PCDHGB3: variants seen among roughly 807,000 people sequenced by gnomAD.
PCDHGB3 encodes protocadherin gamma-B3.
Under a neutral mutation model 59.2 loss-of-function variants are expected in PCDHGB3, and 40 were observed. The ratio of observed to expected loss-of-function variants is 0.68; its 90% CI spans 0.52 to 0.88. The LOEUF is 0.88. PCDHGB3 is among the 40% of genes least tolerant of loss of function. PCDHGB3 has a pLI of 0.00. For synonymous variants in PCDHGB3, 581 were observed against 503.6 expected, an observed-to-expected ratio of 1.15 and a Z score of -2.06; for missense variants, 1,309 against 1,187.9, an observed-to-expected ratio of 1.10 and a Z score of -1.50.
chr5:141,430,754 A>G (rs778266116), intron 1 of PCDHGB3: 26 of 1,503,884 alleles, frequency 1.7e-5, no homozygotes, highest in East Asian at 4.6e-5. Flanking sequence ...CTGGAGGAAG[A>G]TAAGAATGAT....
At chr5:141,398,014 C>G in intron 1 of PCDHGB3, 1 of 1,420,276 alleles carries the variant, frequency 7.0e-7, no homozygotes, top group Non-Finnish European at 9.4e-7. Flanking sequence ...AGAATCGTTT[C>G]CTAAACTGGA....
chr5:141,460,346 ATTTTC>A (rs1049715417), intron 1 of PCDHGB3, among the ~76,000 whole-genome samples: 6 of 151,964 alleles, frequency 3.9e-5, no homozygotes, highest in Non-Finnish European at 8.8e-5. Flanking sequence ...TTTCTCCTAT[ATTTTC>A]TTTTAGAAGT....
At chr5:141,466,143 C>T (rs2099117622) in intron 1 of PCDHGB3, among the ~76,000 whole-genome samples, 1 of 151,816 alleles carries the variant, frequency 6.6e-6, no homozygotes, top group Admixed American at 6.6e-5. Flanking sequence ...CAAGTGAAAA[C>T]TCTGGTCTTA....
chr5:141,426,488 T>G, intron 1 of PCDHGB3: 1 of 328,024 alleles, frequency 3.0e-6, no homozygotes, highest in Non-Finnish European at 6.1e-6. Context: ...AACCTTAGAG[T>G]TAGTGCAGAG....
In PCDHGB3 at chr5:141,476,978, C is replaced by G; in HGVS notation, c.2416-17829C>G. 1.2e-6 allele frequency: 2 copies of G among 1,614,256 alleles called. No individual in the cohort carries two copies. Among genetic ancestry groups the G allele is most frequent in the Non-Finnish European group, 1.7e-6 (2 of 1,180,058 alleles). Reference sequence around the variant, plus strand: ...TATTTACTCCTTCGGCAGCCACAACCGCGCCGGCGTGCGGCAACTATTCGC... The same window carrying G: ...TATTTACTCCTTCGGCAGCCACAACGGCGCCGGCGTGCGGCAACTATTCGC... On this transcript the variant is annotated intron_variant, in intron 1 of 3. Transcript: ENST00000576222. This position sits in a 1 kb window ranked among gnomAD's most constrained non-coding sequence, Gnocchi z 7.6.
chr5:141,419,647 G>C (rs370948584), intron 1 of PCDHGB3: 6 of 1,612,592 alleles, frequency 3.7e-6, no homozygotes, highest in Non-Finnish European at 5.1e-6. Context: ...CCGTGGACGC[G>C]GACTCGGGGC....
intron 1 of PCDHGB3, chr5:141,385,154 C>A (rs761681846): frequency 6.2e-7 from 1 of 1,614,208 alleles, no homozygotes; most frequent in Admixed American, 1.7e-5. Context: ...TTCCTGCAGA[C>A]CTATTCCCAT....
chr5:141,404,656 C>A, intron 1 of PCDHGB3: 1 of 1,614,176 alleles, frequency 6.2e-7, no homozygotes, highest in Non-Finnish European at 8.5e-7. Context: ...CTGCCCTCCC[C>A]ACTGATGGTT....
chr5:141,375,962 C>T (rs763635174), intron 1 of PCDHGB3: 3 of 1,613,226 alleles, frequency 1.9e-6, no homozygotes, highest in African/African-American at 2.7e-5. Flanking sequence ...GGGCGAGGTG[C>T]GCACGGCGCG....
intron 1 of PCDHGB3, chr5:141,373,873 G>C: frequency 2.1e-6 from 1 of 480,742 alleles, no homozygotes; most frequent in Admixed American, 3.9e-5. Context: ...ACCTGGGCAA[G>C]AAAATCAACG....
chr5:141,390,366 A>G, intron 1 of PCDHGB3: 1 of 1,524,656 alleles, frequency 6.6e-7, no homozygotes, highest in Non-Finnish European at 8.9e-7. Flanking sequence ...TTGCAGGAAA[A>G]TATATAATTT....
At chr5:141,479,798 G>A (rs892288776) in intron 1 of PCDHGB3, among the ~76,000 whole-genome samples, 3 of 152,116 alleles carry the variant, frequency 2.0e-5, no homozygotes, top group African/African-American at 7.2e-5. Flanking sequence ...ATTAATTCAG[G>A]GTGGTATGCA....
In PCDHGB3 at chr5:141,431,321, G is replaced by A. The variant is rs112186927; in HGVS notation, c.2415+58512G>A. The A allele has an allele frequency of 1.2e-6, 2 of 1,613,938 alleles. No individual in the cohort carries two copies. The highest frequency in any genetic ancestry group is 1.3e-5 in the African/African-American group (1 of 74,910). ...CCTCATCGTGCAAAATGGAGCCGAC[G>A]GTAGTAAGTACCCCGAATTGGTGCT... is the stretch of plus-strand genomic sequence containing the variant. On this transcript the variant is annotated intron_variant, in intron 1 of 3. Transcript: ENST00000576222. The surrounding 1 kb of genome is among the most constrained non-coding windows in gnomAD (Gnocchi z 4.8).
intron 1 of PCDHGB3, among the ~76,000 whole-genome samples, chr5:141,373,744 G>A (rs10061034): frequency 6.6e-6 from 1 of 152,096 alleles, no homozygotes; most frequent in Admixed American, 6.5e-5. Context: ...TCATTATCTT[G>A]GGGAGGGAAA....
At chr5:141,418,987 A>T (rs1244429131) in intron 1 of PCDHGB3, 2 of 1,613,856 alleles carry the variant, frequency 1.2e-6, no homozygotes, top group Non-Finnish European at 1.7e-6. Flanking sequence ...ACCAAGACTC[A>T]GGGGAAAATG....
chr5:141,419,699 C>A (rs1488905080), intron 1 of PCDHGB3: 1 of 1,612,924 alleles, frequency 6.2e-7, no homozygotes. Context: ...GGCCAGTGAG[C>A]CCGGGCTCTT....
chr5:141,485,033 T>C lies in PCDHGB3; in HGVS notation c.2416-9774T>C. 1 of 689,352 alleles carries C rather than the reference T, an allele frequency of 1.5e-6. No homozygotes were observed. The highest frequency in any genetic ancestry group is 2.5e-6 in the Non-Finnish European group (1 of 392,590). The allele number at this position is 689,352 out of a possible 1,614,324, so 42.7% of individuals were successfully genotyped here. On this transcript the variant is annotated intron_variant, in intron 1 of 3. Coordinates refer to ENST00000576222, the MANE Select transcript of PCDHGB3 (RefSeq NM_018924.5). This position sits in a 1 kb window ranked among gnomAD's most constrained non-coding sequence, Gnocchi z 5.7. ...CCCCGCCACCAGCAAAAACGGCGCG[T>C]AACCCTTGCGGCGCCGGCCGAACCG...
chr5:141,376,168 G>A (rs757765992), intron 1 of PCDHGB3: 64 of 1,613,990 alleles, frequency 4.0e-5, no homozygotes, highest in East Asian at 2.2e-4. Flanking sequence ...ACCTGGTGGT[G>A]GCGGTGGCCG....
chr5:141,422,390 C>T, intron 1 of PCDHGB3: 1 of 1,591,016 alleles, frequency 6.3e-7, no homozygotes, highest in Non-Finnish European at 8.5e-7. Flanking sequence ...TGTTTTATTC[C>T]TAACCACCTG....
Sources: gnomAD v4.1 joint callset for allele counts (sites outside exome capture counted in the v4.1 genomes callset) on GRCh38, gnomAD v4.1.1 for gene constraint, Gnocchi (gnomAD v3.1) non-coding constraint, MANE v1.5 for transcripts, NCBI Gene and HGNC (gene_info 2026-07-23, HGNC 2026-07-21) for gene names.